ATP2B2: variants seen among roughly 807,000 people sequenced by gnomAD.
The protein encoded by ATP2B2 is plasma membrane calcium-transporting ATPase 2.
Under a neutral mutation model 120.0 loss-of-function variants are expected in ATP2B2, and 15 were observed. The observed-to-expected ratio is 0.12, with a 90% CI of 0.08 to 0.19. ATP2B2 has a LOEUF of 0.19. Among genes scored for constraint, ATP2B2 ranks in the 10% least tolerant of loss-of-function variants. The pLI, the probability that ATP2B2 is intolerant of heterozygous loss-of-function variation, is 1.00. For missense variants in ATP2B2, 1,045 were observed against 1,719.8 expected (o/e 0.61, Z 6.94); for synonymous variants, 694 against 700.3 (o/e 0.99, Z 0.14).
rs372813016 is a variant in ATP2B2, at chr3:10,375,622, C to T, written c.1224G>A (p.Thr408=). Residue 408 remains threonine (T), a synonymous_variant, in exon 11 of 23, where the codon ACG becomes ACA. Coordinates refer to ENST00000360273, the MANE Select transcript of ATP2B2 (RefSeq NM_001001331.4). The surrounding 1 kb of genome is among the most constrained non-coding windows in gnomAD (Gnocchi z 4.2). The stretch of plus-strand genomic sequence containing the variant: ...TGAAGTAGAGCACCAGGATGATCAC[C>T]GTGATGGCTGACATCACCAAGCCTG... The part of the protein sequence containing the change: ...GKAGLVMSAI[T]VIILVLYFTV... The T allele has an allele frequency of 1.4e-5, 22 of 1,613,594 alleles. No individual in the cohort carries two copies. The highest frequency in any genetic ancestry group is 1.7e-5 in the Admixed American group (1 of 60,000).
chr3:10,371,093 C>T (rs764712190), intron 12 of ATP2B2, among the ~76,000 whole-genome samples: 1 of 152,252 alleles, frequency 6.6e-6, no homozygotes, highest in Non-Finnish European at 1.5e-5. Flanking sequence ...CAGCACCTCT[C>T]ATCAAGAGGT....
chr3:10,521,357 G>A (rs955090643), intron 3 of ATP2B2, among the ~76,000 whole-genome samples: 2 of 152,214 alleles, frequency 1.3e-5, no homozygotes, highest in South Asian at 4.1e-4. Flanking sequence ...CTATCTTTGA[G>A]GATAAGATGG....
chr3:10,600,633 T>C (rs962307519), intron 2 of ATP2B2, among the ~76,000 whole-genome samples: 1 of 152,250 alleles, frequency 6.6e-6, no homozygotes, highest in African/African-American at 2.4e-5. Flanking sequence ...ACGGGGCTGG[T>C]GCTCTGGTTC....
intron 1 of ATP2B2, among the ~76,000 whole-genome samples, chr3:10,661,447 C>A (rs949239546): frequency 6.6e-6 from 1 of 152,122 alleles, no homozygotes; most frequent in Non-Finnish European, 1.5e-5. Flanking sequence ...CATTCTTATA[C>A]ACCAATAACA....
rs1210162307 is a variant in ATP2B2, at chr3:10,491,058, A to C, written c.-320+14407T>G. 2.6e-5 allele frequency among the ~76,000 whole-genome samples: 4 copies of C among 151,656 alleles called. No individual in the cohort carries two copies. In the East Asian group the frequency reaches 7.8e-4, roughly 29 times the overall value. ...CTTTTGCATCTGACCTTTTAATCTG[A>C]GCTCAGAGTCCCTGCCCTTGCTCTG... On this transcript the variant is annotated intron_variant, in intron 1 of 22. Transcript: ENST00000360273.
intron 12 of ATP2B2, among the ~76,000 whole-genome samples, chr3:10,369,203 A>G (rs2125494341): frequency 6.6e-6 from 1 of 152,270 alleles, no homozygotes; most frequent in East Asian, 1.9e-4. Context: ...ATGTCCTGCA[A>G]TCTAGATTTC....
chr3:10,416,818 G>A (rs1272768950), intron 2 of ATP2B2, among the ~76,000 whole-genome samples: 1 of 152,128 alleles, frequency 6.6e-6, no homozygotes, highest in Non-Finnish European at 1.5e-5. Flanking sequence ...TGCAAACGGG[G>A]AGGGCAGAAA....
At chr3:10,625,285 C>A (rs889291945) in intron 1 of ATP2B2, among the ~76,000 whole-genome samples, 8 of 152,088 alleles carry the variant, frequency 5.3e-5, no homozygotes, top group Admixed American at 2.0e-4. Context: ...CAGGGACATT[C>A]AAAAATGCCA....
At chr3:10,382,928 G>A (rs757335486) in intron 8 of ATP2B2, among the ~76,000 whole-genome samples, 4 of 151,510 alleles carry the variant, frequency 2.6e-5, no homozygotes, top group African/African-American at 7.3e-5. Context: ...TCTCTCAATC[G>A]GCAAGGTTCC....
Position 10,325,328 on chromosome 3 carries a change from C to T in ATP2B2, c.*3486G>A, listed in dbSNP as rs1274544520. 1 of 152,148 alleles carries T rather than the reference C, an allele frequency of 6.6e-6. No individual in the cohort carries two copies. Among genetic ancestry groups the T allele is most frequent in the Non-Finnish European group, 1.5e-5 (1 of 68,030 alleles). 9.4% of individuals were successfully genotyped at this position (152,148 alleles called of 1,614,324 possible). ...AAGAGTGAAGGGACTCATCCCACCA[C>T]ATAATAAGACATTAGAAATTGACAA... On this transcript the variant is annotated 3_prime_UTR_variant, in exon 23 of 23. Coordinates refer to ENST00000360273, the MANE Select transcript of ATP2B2 (RefSeq NM_001001331.4).
At chr3:10,555,467 G>A (rs1335878337) in intron 2 of ATP2B2, among the ~76,000 whole-genome samples, 3 of 152,242 alleles carry the variant, frequency 2.0e-5, no homozygotes, top group African/African-American at 7.2e-5. Flanking sequence ...AGCCTTCCCT[G>A]ACCTCCCTGT....
At chr3:10,462,380 C>T (rs137872798) in intron 1 of ATP2B2, among the ~76,000 whole-genome samples, 148 of 152,338 alleles carry the variant, frequency 9.7e-4, no homozygotes, top group African/African-American at 3.5e-3. Context: ...AGCCTAACTC[C>T]TCTTCCTCCC....
At chr3:10,571,306 G>A (rs1235552075) in intron 2 of ATP2B2, among the ~76,000 whole-genome samples, 1 of 152,228 alleles carries the variant, frequency 6.6e-6, no homozygotes, top group African/African-American at 2.4e-5. Flanking sequence ...GCCTGGTGGT[G>A]CCAGGAACAG....
intron 1 of ATP2B2, among the ~76,000 whole-genome samples, chr3:10,498,843 A>G (rs181835443): frequency 6.6e-6 from 1 of 152,292 alleles, no homozygotes; most frequent in Non-Finnish European, 1.5e-5. Context: ...TTCCCAAATC[A>G]AATCCACCCT....
intron 1 of ATP2B2, among the ~76,000 whole-genome samples, chr3:10,634,288 C>T (rs981787016): frequency 3.9e-5 from 6 of 152,232 alleles, no homozygotes; most frequent in African/African-American, 9.6e-5. Flanking sequence ...GACTTGTTTA[C>T]GGCAATCTCA....
chr3:10,390,002 AT>A (rs201760680), intron 5 of ATP2B2, among the ~76,000 whole-genome samples: 6 of 151,122 alleles, frequency 4.0e-5, no homozygotes, highest in South Asian at 2.1e-4. Flanking sequence ...CCAGGCACAC[AT>A]TTTTTTTTCC....
intron 9 of ATP2B2, 92 bp from the exon 10 acceptor site, chr3:10,378,502 C>T: frequency 2.0e-6 from 3 of 1,530,442 alleles, no homozygotes; most frequent in South Asian, 1.1e-5. Flanking sequence ...GCACCCACCC[C>T]TGCCTGCCCA....
chr3:10,327,005 A>G lies in ATP2B2; in HGVS notation c.*1809T>C, dbSNP rs971536544. 2 of 397,904 alleles carry G rather than the reference A, an allele frequency of 5.0e-6. No homozygotes were observed. Among genetic ancestry groups the G allele is most frequent in the African/African-American group, 2.1e-5 (1 of 48,758 alleles). 24.6% of individuals were successfully genotyped at this position (397,904 alleles called of 1,614,324 possible). On this transcript the variant is annotated 3_prime_UTR_variant, in exon 23 of 23. Coordinates refer to ENST00000360273, the MANE Select transcript of ATP2B2 (RefSeq NM_001001331.4). ...GAAAGTGTTTGGTTTTCCTCGAAGC[A>G]TGGGACATCATCGATCATGGTATTC...
At chr3:10,633,024 G>A (rs1167241050) in intron 1 of ATP2B2, among the ~76,000 whole-genome samples, 1 of 152,228 alleles carries the variant, frequency 6.6e-6, no homozygotes, top group East Asian at 1.9e-4. Context: ...GCTGAGCCAG[G>A]GCTCCCTCAA....
Sources: gnomAD v4.1 joint callset for allele counts (sites outside exome capture counted in the v4.1 genomes callset) on GRCh38, gnomAD v4.1.1 for gene constraint, Gnocchi (gnomAD v3.1) non-coding constraint, MANE v1.5 for transcripts, NCBI Gene and HGNC (gene_info 2026-07-23, HGNC 2026-07-21) for gene names.